Variants in RNF19A observed in about 807,000 individuals in gnomAD.
RNF19A encodes E3 ubiquitin-protein ligase RNF19A.
RNF19A carries 32 observed loss-of-function variants against 75.7 expected under a neutral mutation model. That is an observed-to-expected ratio of 0.42 (90% CI 0.32 to 0.57). RNF19A has a LOEUF of 0.57. Ranked by LOEUF, RNF19A falls within the 20% of genes least tolerant of loss-of-function variation. The pLI is 0.10. For synonymous variants in RNF19A, 335 were observed against 345.2 expected, an observed-to-expected ratio of 0.97 and a Z score of 0.33; for missense variants, 782 against 1,036.3, an observed-to-expected ratio of 0.75 and a Z score of 3.37.
At chr8:100,309,145 G>T (rs28413017) in intron 1 of RNF19A, among the ~76,000 whole-genome samples, 8,550 of 152,150 alleles carry the variant, frequency 0.056, 799 homozygotes, top group African/African-American at 0.19. Context: ...AGTATTACTT[G>T]CCGGGCGAGG....
chr8:100,292,896 C>T (rs994519258), intron 1 of RNF19A, among the ~76,000 whole-genome samples: 1 of 152,026 alleles, frequency 6.6e-6, no homozygotes, highest in African/African-American at 2.4e-5. Flanking sequence ...CTTTCTGGTA[C>T]TTTTCAATCT....
chr8:100,334,967 A>G (rs572106971), intron 1 of RNF19A, among the ~76,000 whole-genome samples: 1 of 152,228 alleles, frequency 6.6e-6, no homozygotes, highest in Non-Finnish European at 1.5e-5. Context: ...GGTTAAAATA[A>G]GCTCAGATCT....
rs989463767 is a variant in RNF19A, at chr8:100,329,954, T to G, written c.-243+6154A>C. On this transcript the variant is annotated intron_variant, in intron 1 of 3. Transcript: ENST00000519527. The surrounding 1 kb of genome is among the most constrained non-coding windows in gnomAD (Gnocchi z 4.3). Reference sequence around the variant, plus strand: ...TCCAAAATCATGAACTATCTATTACTGAATATGTTCAAGTAGAGCTTAGAT... The same window carrying G: ...TCCAAAATCATGAACTATCTATTACGGAATATGTTCAAGTAGAGCTTAGAT... Among the ~76,000 whole-genome samples the G allele has an allele frequency of 2.0e-5, 3 of 152,232 alleles. No homozygotes were observed. Among genetic ancestry groups the G allele is most frequent in the African/African-American group, 7.2e-5 (3 of 41,468 alleles).
In RNF19A at chr8:100,284,438, G is replaced by A. The variant is rs1433880677; in HGVS notation, c.674+3063C>T. ...CAAATATAAAATAAAATACACAAAAGTAATCTCTGTGACTTTTTTTCCTCT... is the reference window on the plus strand; with the variant it reads ...CAAATATAAAATAAAATACACAAAAATAATCTCTGTGACTTTTTTTCCTCT... On this transcript the variant is annotated intron_variant, in intron 2 of 9. Coordinates refer to ENST00000341084, the MANE Select transcript of RNF19A (RefSeq NM_183419.4). This position sits in a 1 kb window ranked among gnomAD's most constrained non-coding sequence, Gnocchi z 4.3. Among the ~76,000 whole-genome samples the A allele has an allele frequency of 6.6e-6, 1 of 152,048 alleles. No homozygotes were observed. The highest frequency in any genetic ancestry group is 1.5e-5 in the Non-Finnish European group (1 of 67,968).
intron 1 of RNF19A, among the ~76,000 whole-genome samples, chr8:100,288,832 G>A (rs1054273515): frequency 7.2e-5 from 11 of 152,016 alleles, no homozygotes; most frequent in Non-Finnish European, 1.2e-4. Flanking sequence ...AGGCCAGGAT[G>A]GGCGGATCAC....
chr8:100,291,932 T>C (rs1280419765), intron 1 of RNF19A, among the ~76,000 whole-genome samples: 1 of 135,542 alleles, frequency 7.4e-6, no homozygotes, highest in African/African-American at 3.0e-5. Context: ...TGTGACAATA[T>C]TTACTAGCAC....
At chr8:100,281,670 G>C (rs1054526306) in intron 2 of RNF19A, among the ~76,000 whole-genome samples, 1 of 152,138 alleles carries the variant, frequency 6.6e-6, no homozygotes, top group Non-Finnish European at 1.5e-5. Flanking sequence ...TCGATTAAAA[G>C]AGAATGAAGA....
chr8:100,301,137 G>C (rs1377550593), intron 1 of RNF19A, among the ~76,000 whole-genome samples: 1 of 152,210 alleles, frequency 6.6e-6, no homozygotes, highest in Non-Finnish European at 1.5e-5. Context: ...AGTTGTGCTA[G>C]TCACATTTCA....
At chr8:100,290,608 C>T (rs1051366891) in intron 1 of RNF19A, among the ~76,000 whole-genome samples, 3 of 152,088 alleles carry the variant, frequency 2.0e-5, no homozygotes, top group Admixed American at 6.5e-5. Context: ...TTATATTTCC[C>T]TTCACAAACA....
chr8:100,310,942 C>T (rs997945995), upstream of RNF19A, among the ~76,000 whole-genome samples: 5 of 152,140 alleles, frequency 3.3e-5, no homozygotes, highest in African/African-American at 1.2e-4. Context: ...AAACAAATTC[C>T]GTCTGGGCCT....
chr8:100,304,528 C>T (rs1473357381), intron 1 of RNF19A, among the ~76,000 whole-genome samples: 2 of 152,166 alleles, frequency 1.3e-5, no homozygotes. Context: ...TACCAGTTCC[C>T]ACCTCCACTT....
At chr8:100,309,422 G>A in intron 1 of RNF19A, 1 of 985,570 alleles carries the variant, frequency 1.0e-6, no homozygotes, top group Non-Finnish European at 1.2e-6. Context: ...TCACCCGTCA[G>A]GAATGCGTTC....
chr8:100,295,994 A>G (rs1821538400), intron 1 of RNF19A, among the ~76,000 whole-genome samples: 1 of 152,210 alleles, frequency 6.6e-6, no homozygotes, highest in African/African-American at 2.4e-5. Flanking sequence ...ATGAACCTCA[A>G]ATTTAGAAAT....
intron 1 of RNF19A, among the ~76,000 whole-genome samples, chr8:100,320,487 A>G (rs1822450958): frequency 2.0e-5 from 3 of 152,220 alleles, no homozygotes; most frequent in Admixed American, 2.0e-4. Context: ...GAAAAATGCT[A>G]TAACCAACCT....
At chr8:100,285,087 G>C (rs1349820961) in intron 2 of RNF19A, among the ~76,000 whole-genome samples, 1 of 151,862 alleles carries the variant, frequency 6.6e-6, no homozygotes, top group Non-Finnish European at 1.5e-5. Flanking sequence ...TTTTGTTGTT[G>C]TTATTGTGGA....
chr8:100,315,219 T>C (rs1822354472), intron 1 of RNF19A, among the ~76,000 whole-genome samples: 1 of 152,088 alleles, frequency 6.6e-6, no homozygotes, highest in East Asian at 1.9e-4. Flanking sequence ...GCCTGGGAGT[T>C]GTAGGGTGCA....
At position 100,268,778 on chromosome 8, in the gene RNF19A, A is replaced by G; in HGVS notation, c.1191+7T>C. 1 of 1,543,010 alleles carries G rather than the reference A, an allele frequency of 6.5e-7. No homozygotes were observed. The highest frequency in any genetic ancestry group is 8.8e-7 in the Non-Finnish European group (1 of 1,138,358). On this transcript the variant is annotated splice_region_variant and intron_variant, in intron 5 of 9. Coordinates refer to ENST00000341084, the MANE Select transcript of RNF19A (RefSeq NM_183419.4). The stretch of plus-strand genomic sequence containing the variant: ...GATAATGGACTAACAAGAAGTATGC[A>G]TTTTACCTTGCGGCCCACATACACA...
At position 100,331,820 on chromosome 8, in the gene RNF19A, A is replaced by G. The variant is rs1241652565; in HGVS notation, c.-243+4288T>C. ...TCTGTGCACATACAAATAAATCTATATATATCCTCCCCAGCCCTACCTACC... is the reference window on the plus strand; with the variant it reads ...TCTGTGCACATACAAATAAATCTATGTATATCCTCCCCAGCCCTACCTACC... On this transcript the variant is annotated intron_variant, in intron 1 of 3. Coordinates refer to the RNF19A transcript ENST00000519527. This position sits in a 1 kb window ranked among gnomAD's most constrained non-coding sequence, Gnocchi z 5.2. Among the ~76,000 whole-genome samples the G allele has an allele frequency of 6.6e-6, 1 of 152,176 alleles. No homozygotes were observed. Among genetic ancestry groups the G allele is most frequent in the African/African-American group, 2.4e-5 (1 of 41,442 alleles).
chr8:100,266,352 G>A (rs540928697), intron 5 of RNF19A, among the ~76,000 whole-genome samples: 1 of 152,246 alleles, frequency 6.6e-6, no homozygotes, highest in Non-Finnish European at 1.5e-5. Flanking sequence ...TGAACAATGA[G>A]GTAAATAATC....
Sources: gnomAD v4.1 joint callset for allele counts (sites outside exome capture counted in the v4.1 genomes callset) on GRCh38, gnomAD v4.1.1 for gene constraint, Gnocchi (gnomAD v3.1) non-coding constraint, MANE v1.5 for transcripts, NCBI Gene and HGNC (gene_info 2026-07-23, HGNC 2026-07-21) for gene names.